The following CAMK1D variants were observed in gnomAD, a reference collection of about 807,000 sequenced individuals.
CAMK1D encodes the protein calcium/calmodulin dependent protein kinase ID.
CAMK1D carries 9 observed loss-of-function variants against 47.7 expected under a neutral mutation model. The observed-to-expected ratio is 0.19, with a 90% CI of 0.11 to 0.33. The LOEUF (loss-of-function observed/expected upper bound fraction) is 0.33, where lower values mean the gene tolerates loss of function less well. Among genes scored for constraint, CAMK1D ranks in the 10% least tolerant of loss-of-function variants. The pLI is 1.00. For synonymous variants in CAMK1D, 184 were observed against 184.9 expected, an observed-to-expected ratio of 0.99 and a Z score of 0.04; for missense variants, 291 against 488.7, an observed-to-expected ratio of 0.60 and a Z score of 3.81.
intron 3 of CAMK1D, among the ~76,000 whole-genome samples, chr10:12,724,881 T>TA (rs1213963533): frequency 2.3e-5 from 3 of 132,964 alleles, no homozygotes; most frequent in Non-Finnish European, 3.2e-5. Context: ...CCCCATCTCT[T>TA]AAAAAACCAA....
chr10:12,705,516 A>G (rs1324885051), intron 3 of CAMK1D, among the ~76,000 whole-genome samples: 1 of 152,168 alleles, frequency 6.6e-6, no homozygotes, highest in Admixed American at 6.5e-5. Flanking sequence ...GCATCATAAC[A>G]ATAATAAACA....
At chr10:12,521,943 C>T (rs1835429175) in intron 1 of CAMK1D, among the ~76,000 whole-genome samples, 1 of 151,670 alleles carries the variant, frequency 6.6e-6, no homozygotes. Flanking sequence ...ATCCTTTTAA[C>T]TGACCTTATA....
chr10:12,574,204 C>T (rs80173781), intron 2 of CAMK1D, among the ~76,000 whole-genome samples: 2,208 of 152,298 alleles, frequency 0.014, 17 homozygotes, highest in Non-Finnish European at 0.022. Flanking sequence ...TTGACCACTT[C>T]TTGACCACCA....
At chr10:12,685,759 A>G (rs1832635385) in intron 3 of CAMK1D, among the ~76,000 whole-genome samples, 1 of 152,210 alleles carries the variant, frequency 6.6e-6, no homozygotes, top group South Asian at 2.1e-4. Context: ...TCGAGTGGAA[A>G]CAAGTCATGG....
At chr10:12,547,053 A>G (rs1261049406) in intron 1 of CAMK1D, among the ~76,000 whole-genome samples, 1 of 152,184 alleles carries the variant, frequency 6.6e-6, no homozygotes, top group African/African-American at 2.4e-5. Context: ...CATGTAGAGG[A>G]TACAGACTAG....
rs1321855602 is a variant in CAMK1D at position 12,451,795 on chromosome 10, GAGTGGGTCAGAGACGA to G, written c.93-101423_93-101408del. On this transcript the variant is annotated intron_variant, in intron 1 of 10. Coordinates refer to ENST00000619168, the MANE Select transcript of CAMK1D (RefSeq NM_153498.4). ...TTTGTGTGTGTGTGTGTGTGTTGGAGAGTGGGTCAGAGACGAAGTGGGACAGGGAGCTAAGGCTTCT... is the reference window on the plus strand; with the variant it reads ...TTTGTGTGTGTGTGTGTGTGTTGGAGAGTGGGACAGGGAGCTAAGGCTTCT... Among the ~76,000 whole-genome samples the G allele has an allele frequency of 2.6e-5, 4 of 152,214 alleles. No homozygotes were observed. The East Asian group carries it at 5.8e-4, about 22-fold the overall frequency.
intron 1 of CAMK1D, among the ~76,000 whole-genome samples, chr10:12,515,712 C>T (rs1220287063): frequency 1.3e-5 from 2 of 151,408 alleles, no homozygotes; most frequent in Non-Finnish European, 2.9e-5. Flanking sequence ...CGGGTTCACG[C>T]CATTCTCCTG....
At chr10:12,453,212 T>C (rs1320349306) in intron 1 of CAMK1D, among the ~76,000 whole-genome samples, 1 of 148,384 alleles carries the variant, frequency 6.7e-6, no homozygotes, top group Admixed American at 6.7e-5. Context: ...TTTTTTGAGA[T>C]GGAGTTTCAC....
At chr10:12,356,856 C>T (rs1837535255) in intron 1 of CAMK1D, among the ~76,000 whole-genome samples, 1 of 152,030 alleles carries the variant, frequency 6.6e-6, no homozygotes, top group Non-Finnish European at 1.5e-5. Context: ...GACTGTGTCT[C>T]AAGTACAAAT....
intron 1 of CAMK1D, among the ~76,000 whole-genome samples, chr10:12,392,748 CT>C (rs1455516006): frequency 3.9e-5 from 6 of 152,106 alleles, no homozygotes; most frequent in African/African-American, 1.4e-4. Context: ...ATCTCTCGAA[CT>C]TTTTCCTCCC....
At chr10:12,670,350 C>T (rs891327357) in intron 3 of CAMK1D, among the ~76,000 whole-genome samples, 17 of 151,948 alleles carry the variant, frequency 1.1e-4, no homozygotes, top group East Asian at 3.9e-4. Context: ...TCAGATCTTT[C>T]GCTCAATCTT....
intron 3 of CAMK1D, among the ~76,000 whole-genome samples, chr10:12,711,842 T>G (rs547987500): frequency 2.0e-5 from 3 of 152,322 alleles, no homozygotes; most frequent in East Asian, 1.9e-4. Context: ...CAAACGTTCG[T>G]TTTTCAATAT....
At chr10:12,728,173 G>T (rs1451559494) in intron 3 of CAMK1D, among the ~76,000 whole-genome samples, 1 of 152,238 alleles carries the variant, frequency 6.6e-6, no homozygotes. Context: ...TGTCATGTGT[G>T]TTAGAGGGCT....
intron 5 of CAMK1D, among the ~76,000 whole-genome samples, chr10:12,786,209 A>AT (rs1837716458): frequency 6.6e-6 from 1 of 152,198 alleles, no homozygotes; most frequent in Non-Finnish European, 1.5e-5. Context: ...TCATTTCCAA[A>AT]TCAATTTGCT....
chr10:12,461,687 C>CAAAA (rs57291391), intron 1 of CAMK1D, among the ~76,000 whole-genome samples: 5 of 90,360 alleles, frequency 5.5e-5, no homozygotes, highest in Non-Finnish European at 9.0e-5. Flanking sequence ...GGCTTCATCT[C>CAAAA]AAAAAAAAAA....
At chr10:12,816,774 A>G (rs1326421912) in intron 8 of CAMK1D, among the ~76,000 whole-genome samples, 4 of 149,610 alleles carry the variant, frequency 2.7e-5, no homozygotes, top group Non-Finnish European at 5.9e-5. Flanking sequence ...CGCAAGGCTG[A>G]GTCAGGACAA....
chr10:12,425,781 A>C (rs1407757669), intron 1 of CAMK1D, among the ~76,000 whole-genome samples: 1 of 152,240 alleles, frequency 6.6e-6, no homozygotes, highest in Non-Finnish European at 1.5e-5. Flanking sequence ...TTGTTGAACA[A>C]GCGAATATAT....
At chr10:12,459,124 C>G (rs1833348357) in intron 1 of CAMK1D, among the ~76,000 whole-genome samples, 1 of 152,178 alleles carries the variant, frequency 6.6e-6, no homozygotes, top group Non-Finnish European at 1.5e-5. Context: ...GGCGATCCAC[C>G]TGCCTCGTCC....
intron 2 of CAMK1D, among the ~76,000 whole-genome samples, chr10:12,613,313 C>G (rs1464557528): frequency 6.6e-6 from 1 of 152,196 alleles, no homozygotes; most frequent in African/African-American, 2.4e-5. Flanking sequence ...ACTGCAGCAG[C>G]ACGCTAGTGG....
Sources: allele counts gnomAD v4.1 joint callset (sites outside exome capture counted in the v4.1 genomes callset), GRCh38; gene constraint gnomAD v4.1.1; transcripts MANE v1.5; gene names NCBI Gene and HGNC (gene_info 2026-07-23, HGNC 2026-07-21).